MITF: variants seen among roughly 807,000 people sequenced by gnomAD.
MITF encodes the protein microphthalmia-associated transcription factor.
A neutral mutation model predicts 60.5 loss-of-function variants in MITF; 17 were observed. The observed-to-expected ratio is 0.28, with a 90% CI of 0.19 to 0.42. The LOEUF (loss-of-function observed/expected upper bound fraction) is 0.42, where lower values mean the gene tolerates loss of function less well. Ranked by LOEUF, MITF falls within the 10% of genes least tolerant of loss-of-function variation. MITF has a pLI of 1.00. For missense variants in MITF, 622 were observed against 683.5 expected, an observed-to-expected ratio of 0.91 and a Z score of 1.00; for synonymous variants, 260 against 248.5, an observed-to-expected ratio of 1.05 and a Z score of -0.43.
chr3:69,781,076 G>GT lies in MITF; in HGVS notation c.104+41386dup, dbSNP rs538781792. On this transcript the variant is annotated intron_variant, in intron 1 of 9. Transcript: ENST00000352241. ...AGAAAACCACATAATAGTGAGTTTTGTTTTTTTTTTTAGTAGTAACTGTGA... is the reference window on the plus strand; with the variant it reads ...AGAAAACCACATAATAGTGAGTTTTGTTTTTTTTTTTTAGTAGTAACTGTGA... Among the ~76,000 whole-genome samples the GT allele has an allele frequency of 5.0e-3, 725 of 143,696 alleles. 2 individuals are homozygous for GT. The highest frequency in any genetic ancestry group is 0.011 in the Middle Eastern group (3 of 280). 94.3% of individuals were successfully genotyped at this position (143,696 alleles called of 152,430 possible).
At chr3:69,744,835 C>A (rs1575655577) in intron 1 of MITF, among the ~76,000 whole-genome samples, 1 of 152,034 alleles carries the variant, frequency 6.6e-6, no homozygotes, top group African/African-American at 2.4e-5. Flanking sequence ...CATAACAATT[C>A]TTTTATGCTA....
At chr3:69,819,826 G>A (rs1469583008) in intron 1 of MITF, among the ~76,000 whole-genome samples, 2 of 152,144 alleles carry the variant, frequency 1.3e-5, no homozygotes, top group Non-Finnish European at 2.9e-5. Context: ...AAAGCTGGGA[G>A]TGATGGTGCA....
chr3:69,791,667 T>A (rs1411704930), intron 1 of MITF, among the ~76,000 whole-genome samples: 1 of 152,142 alleles, frequency 6.6e-6, no homozygotes, highest in Non-Finnish European at 1.5e-5. Context: ...TAAATCTTAT[T>A]ATTCTGTTGT....
At chr3:69,943,350 G>A (rs2066015273) in intron 5 of MITF, among the ~76,000 whole-genome samples, 1 of 151,970 alleles carries the variant, frequency 6.6e-6, no homozygotes, top group South Asian at 2.1e-4. Flanking sequence ...ACCAGATCTG[G>A]GGTCAAACCC....
intron 2 of MITF, among the ~76,000 whole-genome samples, chr3:69,919,115 C>T (rs575726588): frequency 6.6e-6 from 1 of 152,066 alleles, no homozygotes; most frequent in Non-Finnish European, 1.5e-5. Context: ...AATACCAAAA[C>T]GGGGAGAAGA....
At position 69,941,319 on chromosome 3, in the gene MITF, A is replaced by G; in HGVS notation, c.750A>G (p.Gln250=). 6.2e-7 allele frequency: 1 copy of G among 1,610,286 alleles called. No homozygotes were observed. Among genetic ancestry groups the G allele is most frequent in the East Asian group, 2.2e-5 (1 of 44,730 alleles). Residue 250 remains glutamine, a synonymous_variant, in exon 5 of 10, where the codon CAA becomes CAG. Coordinates refer to ENST00000352241, the MANE Select transcript of MITF (RefSeq NM_001354604.2). ...TGGGCTTGATGGATCCTGCTTTGCA[A>G]ATGGCAAATACGGTATTGATAACCT... ...EILGLMDPAL[Q]MANTLPVSGN... is the part of the protein sequence containing the mutation.
chr3:69,945,113 C>T (rs1196270401), intron 5 of MITF, among the ~76,000 whole-genome samples: 1 of 152,058 alleles, frequency 6.6e-6, no homozygotes, highest in East Asian at 1.9e-4. Context: ...GAATAAAAGT[C>T]CCAGTTTACT....
intron 1 of MITF, among the ~76,000 whole-genome samples, chr3:69,819,214 A>G (rs551843791): frequency 6.6e-6 from 1 of 152,338 alleles, no homozygotes; most frequent in African/African-American, 2.4e-5. Flanking sequence ...TGTGTTTTCT[A>G]TAACCTTCTT....
At chr3:69,893,783 C>A (rs748729016) in intron 2 of MITF, among the ~76,000 whole-genome samples, 7 of 152,142 alleles carry the variant, frequency 4.6e-5, no homozygotes, top group Non-Finnish European at 1.0e-4. Flanking sequence ...TAAAAACTAC[C>A]TGGCTATGTA....
chr3:69,786,139 G>A (rs930402853), intron 1 of MITF, among the ~76,000 whole-genome samples: 1 of 152,240 alleles, frequency 6.6e-6, no homozygotes, highest in African/African-American at 2.4e-5. Context: ...CTAAGGTGGA[G>A]TGAGCTTTGC....
intron 5 of MITF, among the ~76,000 whole-genome samples, chr3:69,943,579 TG>T: frequency 6.6e-6 from 1 of 152,128 alleles, no homozygotes; most frequent in Admixed American, 6.5e-5. Context: ...CAAATAATAT[TG>T]ATAGTATTTG....
chr3:69,949,746 CTTAT>C (rs2107513155), intron 6 of MITF, among the ~76,000 whole-genome samples: 1 of 152,254 alleles, frequency 6.6e-6, no homozygotes, highest in South Asian at 2.1e-4. Context: ...TGTGAAATTA[CTTAT>C]TTCTCTACTT....
intron 2 of MITF, among the ~76,000 whole-genome samples, chr3:69,888,488 A>G (rs1424870950): frequency 6.7e-6 from 1 of 149,552 alleles, no homozygotes; most frequent in East Asian, 2.0e-4. Context: ...TTAATTAGCC[A>G]CATGTTCTTT....
In MITF at chr3:69,941,183, T is replaced by C. The variant is rs1375039662; in HGVS notation, c.667-53T>C. ...AGACCATGAGTCTCTTTTTAGGTTG[T>C]GTTGCATAGTTTATTTATTTTTGTC... On this transcript the variant is annotated intron_variant, in intron 4 of 9. Coordinates refer to ENST00000352241, the MANE Select transcript of MITF (RefSeq NM_001354604.2). 2.5e-6 allele frequency: 3 copies of C among 1,178,460 alleles called. No homozygotes were observed. In the African/African-American group the frequency reaches 4.5e-5, roughly 18 times the overall value. The allele number at this position is 1,178,460 out of a possible 1,614,324, so 73.0% of individuals were successfully genotyped here.
In MITF at chr3:69,965,264, C is replaced by G; in HGVS notation, c.*16C>G. On this transcript the variant is annotated 3_prime_UTR_variant, in exon 10 of 10. Coordinates refer to ENST00000352241, the MANE Select transcript of MITF (RefSeq NM_001354604.2). ...CACTTGTTAGCGAATCCTCCCTGCA[C>G]TGCATTCGCACAAACTGCTTCCTTT... 1 of 1,611,800 alleles carries G rather than the reference C, an allele frequency of 6.2e-7. No individual in the cohort carries two copies. Among genetic ancestry groups the G allele is most frequent in the Non-Finnish European group, 8.5e-7 (1 of 1,178,134 alleles).
chr3:69,929,890 C>A (rs2065679138), intron 2 of MITF, among the ~76,000 whole-genome samples: 1 of 152,072 alleles, frequency 6.6e-6, no homozygotes, highest in Admixed American at 6.6e-5. Context: ...AACAATATTT[C>A]TTGATGGGTT....
intron 2 of MITF, among the ~76,000 whole-genome samples, chr3:69,900,982 C>A (rs115212621): frequency 1.3e-5 from 2 of 151,742 alleles, no homozygotes; most frequent in Non-Finnish European, 2.9e-5. Flanking sequence ...TTCCCAGAAA[C>A]GGTGTTTTCA....
chr3:69,896,976 G>T (rs566710841), intron 2 of MITF, among the ~76,000 whole-genome samples: 1 of 152,268 alleles, frequency 6.6e-6, no homozygotes, highest in Admixed American at 6.5e-5. Context: ...TAGGATGAGG[G>T]GGCATGGCAC....
chr3:69,799,288 G>A (rs1047379513), intron 1 of MITF, among the ~76,000 whole-genome samples: 8 of 152,154 alleles, frequency 5.3e-5, no homozygotes, highest in East Asian at 1.9e-4. Context: ...GCAGGAGGAC[G>A]AATGGTTAAA....
Sources: gnomAD v4.1 joint callset for allele counts (sites outside exome capture counted in the v4.1 genomes callset) on GRCh38, gnomAD v4.1.1 for gene constraint, MANE v1.5 for transcripts, NCBI Gene and HGNC (gene_info 2026-07-23, HGNC 2026-07-21) for gene names.